Variants in LRRC7 observed in about 807,000 individuals in gnomAD.
LRRC7 encodes the protein leucine-rich repeat-containing protein 7.
In LRRC7, 23 loss-of-function variants were observed where a neutral mutation model predicts 175.7. The observed-to-expected ratio is 0.13, with a 90% confidence interval of 0.09 to 0.19. The LOEUF is 0.19. LRRC7 is among the 10% of genes least tolerant of loss of function. The pLI is 1.00. For synonymous variants in LRRC7, 685 were observed against 680.9 expected, an observed-to-expected ratio of 1.01 and a Z score of -0.09; for missense variants, 1,354 against 1,904.7, an observed-to-expected ratio of 0.71 and a Z score of 5.38.
chr1:70,043,205 T>C (rs778955290), intron 21 of LRRC7, among the ~76,000 whole-genome samples: 1 of 152,180 alleles, frequency 6.6e-6, no homozygotes, highest in Non-Finnish European at 1.5e-5. Context: ...GAGTGTTCTA[T>C]AGGTATTTGT....
intron 7 of LRRC7, among the ~76,000 whole-genome samples, chr1:69,847,092 G>C (rs990870633): frequency 6.6e-6 from 1 of 151,876 alleles, no homozygotes; most frequent in African/African-American, 2.4e-5. Flanking sequence ...AAAATTGGTA[G>C]CTTCTTTAGG....
At chr1:69,902,312 G>A (rs1017652664) in intron 7 of LRRC7, among the ~76,000 whole-genome samples, 12 of 152,202 alleles carry the variant, frequency 7.9e-5, no homozygotes, top group South Asian at 2.1e-4. Flanking sequence ...GCTCACACCT[G>A]TAATCCCAGC....
At chr1:69,916,670 A>G (rs1345824912) in intron 7 of LRRC7, among the ~76,000 whole-genome samples, 1 of 152,072 alleles carries the variant, frequency 6.6e-6, no homozygotes, top group East Asian at 1.9e-4. Context: ...ATATTCTAGA[A>G]TTCCAGCTTC....
chr1:69,752,331 T>G (rs1669929184), intron 2 of LRRC7, among the ~76,000 whole-genome samples: 1 of 152,178 alleles, frequency 6.6e-6, no homozygotes, highest in African/African-American at 2.4e-5. Flanking sequence ...CTGTGCCAAC[T>G]AATGAGGACA....
At chr1:69,579,788 T>G (rs1462782531) in intron 1 of LRRC7, among the ~76,000 whole-genome samples, 1 of 139,496 alleles carries the variant, frequency 7.2e-6, no homozygotes, top group African/African-American at 2.7e-5. Flanking sequence ...CTCTTTTGAA[T>G]AGAAGCTTTT....
chr1:69,990,920 A>C (rs1024413544), intron 10 of LRRC7, among the ~76,000 whole-genome samples: 1 of 152,166 alleles, frequency 6.6e-6, no homozygotes, highest in African/African-American at 2.4e-5. Context: ...AACAAAACAC[A>C]GAAAGTTTGA....
chr1:69,716,416 G>T (rs1234910474), intron 2 of LRRC7, among the ~76,000 whole-genome samples: 1 of 151,708 alleles, frequency 6.6e-6, no homozygotes, highest in Non-Finnish European at 1.5e-5. Context: ...TTTTCTGTCA[G>T]TAATAATGAA....
chr1:69,910,722 C>T (rs1646497935), intron 7 of LRRC7, among the ~76,000 whole-genome samples: 1 of 152,238 alleles, frequency 6.6e-6, no homozygotes, highest in South Asian at 2.1e-4. Flanking sequence ...CTACTCTCTT[C>T]AAAGCTGTCA....
chr1:70,013,413 T>G (rs1450093190), intron 13 of LRRC7, among the ~76,000 whole-genome samples: 1 of 151,496 alleles, frequency 6.6e-6, no homozygotes, highest in African/African-American at 2.4e-5. Flanking sequence ...ATATAGAAAA[T>G]ATATTAATAA....
chr1:69,918,279 T>C (rs1391680375), intron 7 of LRRC7, among the ~76,000 whole-genome samples: 1 of 152,202 alleles, frequency 6.6e-6, no homozygotes, highest in Non-Finnish European at 1.5e-5. Context: ...CCTGCGTCTC[T>C]GGAATCTTTG....
At chr1:69,595,418 A>T (rs1646802091) in intron 1 of LRRC7, among the ~76,000 whole-genome samples, 1 of 152,130 alleles carries the variant, frequency 6.6e-6, no homozygotes, top group Non-Finnish European at 1.5e-5. Flanking sequence ...CCATCTCAAA[A>T]AACAAACAAA....
At chr1:69,922,495 G>A (rs1455155858) in intron 7 of LRRC7, among the ~76,000 whole-genome samples, 1 of 152,126 alleles carries the variant, frequency 6.6e-6, no homozygotes, top group Admixed American at 6.5e-5. Context: ...AATTTCTCTC[G>A]ATTATGAACT....
Position 69,753,290 on chromosome 1 carries a change from GTGTGTA to G in LRRC7, c.101-6895_101-6890del, listed in dbSNP as rs748726200. On this transcript the variant is annotated intron_variant, in intron 2 of 26. Transcript: ENST00000651989. Reference sequence around the variant, plus strand: ...CTTTACATAAATCATTGTCGTGTGTGTGTGTATGTGTGTGTGTGTGTGTGTGTGTGT... The same window carrying G: ...CTTTACATAAATCATTGTCGTGTGTGTGTGTGTGTGTGTGTGTGTGTGTGT... Among the ~76,000 whole-genome samples, 415 of 123,844 alleles carry G rather than the reference GTGTGTA, an allele frequency of 3.4e-3. 3 individuals carry two copies. Among genetic ancestry groups the G allele is most frequent in the South Asian group, 5.8e-3 (24 of 4,120 alleles). The allele number at this position is 123,844 out of a possible 152,430, so 81.2% of individuals were successfully genotyped here. A position where few individuals can be genotyped will look rare whatever the true frequency, so the allele number is the denominator to read the frequency against.
intron 7 of LRRC7, among the ~76,000 whole-genome samples, chr1:69,843,149 G>A (rs1681921431): frequency 6.6e-6 from 1 of 151,940 alleles, no homozygotes; most frequent in Non-Finnish European, 1.5e-5. Flanking sequence ...CAGAGATCAT[G>A]CCACTGAACT....
intron 7 of LRRC7, among the ~76,000 whole-genome samples, chr1:69,916,407 A>C (rs544486005): frequency 2.7e-4 from 41 of 150,086 alleles, no homozygotes; most frequent in Non-Finnish European, 5.2e-4. Context: ...ATTTTTAAAA[A>C]ACCTATTATT....
At chr1:70,087,669 T>C (rs1185231841) in intron 24 of LRRC7, among the ~76,000 whole-genome samples, 1 of 152,036 alleles carries the variant, frequency 6.6e-6, no homozygotes, top group Non-Finnish European at 1.5e-5. Context: ...CAAATCTAGC[T>C]CAATTGAAGG....
chr1:69,892,078 A>G (rs1645852771), intron 7 of LRRC7, among the ~76,000 whole-genome samples: 1 of 152,252 alleles, frequency 6.6e-6, no homozygotes, highest in Non-Finnish European at 1.5e-5. Context: ...TATATTGAAT[A>G]TATACTACTT....
intron 1 of LRRC7, among the ~76,000 whole-genome samples, chr1:69,640,666 A>C (rs1354273866): frequency 6.7e-6 from 1 of 149,326 alleles, no homozygotes; most frequent in Admixed American, 6.7e-5. Flanking sequence ...ACTTTGGTAA[A>C]TAAAGTACCT....
intron 10 of LRRC7, among the ~76,000 whole-genome samples, chr1:69,991,832 G>A (rs905535283): frequency 6.6e-6 from 1 of 152,030 alleles, no homozygotes; most frequent in Admixed American, 6.6e-5. Flanking sequence ...AACAAGCCCC[G>A]TGTGCTGAGT....
Sources: allele counts gnomAD v4.1 joint callset (sites outside exome capture counted in the v4.1 genomes callset), GRCh38; gene constraint gnomAD v4.1.1; transcripts MANE v1.5; gene names NCBI Gene and HGNC (gene_info 2026-07-23, HGNC 2026-07-21).